Variants in KCNIP4 observed in about 807,000 individuals in gnomAD.
The protein encoded by KCNIP4 is potassium voltage-gated channel interacting protein 4, also known as Kv channel-interacting protein 4.
In KCNIP4, 12 loss-of-function variants were observed where a neutral mutation model predicts 34.0. The observed-to-expected ratio is 0.35, with a 90% confidence interval of 0.23 to 0.57. KCNIP4 has a LOEUF of 0.57. KCNIP4 is among the 20% of genes least tolerant of loss of function. The probability of loss-of-function intolerance (pLI) is 0.83; values close to 1 mark genes in which losing one functional copy is unlikely to be tolerated. For synonymous variants in KCNIP4, 124 were observed against 102.2 expected, an observed-to-expected ratio of 1.21 and a Z score of -1.29; for missense variants, 238 against 311.7, an observed-to-expected ratio of 0.76 and a Z score of 1.78.
intron 1 of KCNIP4, among the ~76,000 whole-genome samples, chr4:21,198,747 T>G (rs1473410517): frequency 1.3e-5 from 2 of 152,156 alleles, no homozygotes; most frequent in African/African-American, 4.8e-5. Flanking sequence ...AACCCCACTG[T>G]TATATCTATC....
intron 1 of KCNIP4, among the ~76,000 whole-genome samples, chr4:21,449,534 A>G (rs1341944875): frequency 2.0e-5 from 3 of 152,078 alleles, no homozygotes; most frequent in African/African-American, 4.8e-5. Context: ...AAAAATTGCA[A>G]CACTCAGTCA....
At chr4:21,635,199 TA>T (rs1374598015) in intron 1 of KCNIP4, among the ~76,000 whole-genome samples, 1 of 152,168 alleles carries the variant, frequency 6.6e-6, no homozygotes, top group Non-Finnish European at 1.5e-5. Flanking sequence ...TTACTCAAAT[TA>T]CTGCAGTAGA....
chr4:21,817,805 C>A lies in KCNIP4; in HGVS notation c.61+130766G>T, dbSNP rs1578027637. 2.6e-5 allele frequency among the ~76,000 whole-genome samples: 4 copies of A among 152,196 alleles called. 1 individual carries two copies. Among genetic ancestry groups the A allele is most frequent in the Admixed American group, 2.6e-4 (4 of 15,288 alleles). On this transcript the variant is annotated intron_variant, in intron 1 of 8. Coordinates refer to ENST00000382152, the MANE Select transcript of KCNIP4 (RefSeq NM_025221.6). Reference sequence around the variant, plus strand: ...ATCAGACTGGTTCTCTGCTCTCGAACCCTGTTTTCTGTTGTTTAAGATGTT... The same window carrying A: ...ATCAGACTGGTTCTCTGCTCTCGAAACCTGTTTTCTGTTGTTTAAGATGTT...
intron 1 of KCNIP4, among the ~76,000 whole-genome samples, chr4:21,445,113 T>G (rs1414254858): frequency 2.6e-5 from 4 of 151,924 alleles, no homozygotes; most frequent in Non-Finnish European, 2.9e-5. Context: ...CACTGCTCAG[T>G]GAAATAAAAG....
chr4:21,017,583 G>A (rs1044932005), intron 1 of KCNIP4, among the ~76,000 whole-genome samples: 1 of 152,074 alleles, frequency 6.6e-6, no homozygotes, highest in Admixed American at 6.5e-5. Flanking sequence ...TCTTTATCCA[G>A]TCTATCATCG....
chr4:21,728,238 C>A (rs1468930804), intron 1 of KCNIP4, among the ~76,000 whole-genome samples: 2 of 152,164 alleles, frequency 1.3e-5, no homozygotes, highest in African/African-American at 4.8e-5. Flanking sequence ...AACTCCAAAT[C>A]TCCTTTCCTC....
intron 1 of KCNIP4, among the ~76,000 whole-genome samples, chr4:21,098,721 A>G (rs1329615538): frequency 6.6e-6 from 1 of 152,182 alleles, no homozygotes; most frequent in Non-Finnish European, 1.5e-5. Context: ...AAGGAGATTA[A>G]TGTTGTTTTC....
chr4:20,927,366 T>C (rs1730007951), intron 1 of KCNIP4, among the ~76,000 whole-genome samples: 2 of 152,268 alleles, frequency 1.3e-5, no homozygotes, highest in South Asian at 4.1e-4. Flanking sequence ...GTTATTATTT[T>C]AGGGAGTGGC....
intron 1 of KCNIP4, among the ~76,000 whole-genome samples, chr4:21,637,664 T>A (rs1332037294): frequency 6.6e-6 from 1 of 150,984 alleles, no homozygotes; most frequent in Non-Finnish European, 1.5e-5. Context: ...ACACCTGTAA[T>A]CCCAGCTACT....
chr4:21,241,314 AT>A (rs201958359), intron 1 of KCNIP4, among the ~76,000 whole-genome samples: 3,482 of 152,202 alleles, frequency 0.023, 137 homozygotes, highest in African/African-American at 0.079. Context: ...AGACTTAAAA[AT>A]TTTTTTTCTA....
intron 1 of KCNIP4, among the ~76,000 whole-genome samples, chr4:21,382,256 T>A (rs1267003703): frequency 6.6e-6 from 1 of 152,098 alleles, no homozygotes; most frequent in Non-Finnish European, 1.5e-5. Flanking sequence ...AACAGGAACA[T>A]TCAGGACATC....
chr4:20,783,141 T>A (rs1442472479), intron 3 of KCNIP4, among the ~76,000 whole-genome samples: 3 of 152,208 alleles, frequency 2.0e-5, no homozygotes, highest in Non-Finnish European at 4.4e-5. Context: ...AGACTGGACC[T>A]TATTGTCCAT....
intron 5 of KCNIP4, among the ~76,000 whole-genome samples, chr4:20,738,481 C>A (rs968824878): frequency 6.6e-6 from 1 of 152,152 alleles, no homozygotes; most frequent in Non-Finnish European, 1.5e-5. Flanking sequence ...CTGACACATT[C>A]CAAGGGGAAG....
chr4:21,327,299 T>C (rs1033683903), intron 1 of KCNIP4, among the ~76,000 whole-genome samples: 1 of 152,176 alleles, frequency 6.6e-6, no homozygotes, highest in East Asian at 1.9e-4. Context: ...TCCTTCATGA[T>C]TGAAATGTAT....
intron 1 of KCNIP4, among the ~76,000 whole-genome samples, chr4:21,467,073 A>ACAC (rs1730022810): frequency 2.3e-4 from 32 of 139,846 alleles, no homozygotes; most frequent in Admixed American, 2.9e-4. Flanking sequence ...AACCAAAACA[A>ACAC]ACACACACAC....
At chr4:21,662,351 T>G (rs1443634038) in intron 1 of KCNIP4, among the ~76,000 whole-genome samples, 1 of 152,236 alleles carries the variant, frequency 6.6e-6, no homozygotes, top group African/African-American at 2.4e-5. Context: ...TCACACAGTT[T>G]ACAATCTGAA....
chr4:21,466,680 A>C (rs978170811), intron 1 of KCNIP4, among the ~76,000 whole-genome samples: 10 of 152,172 alleles, frequency 6.6e-5, no homozygotes, highest in African/African-American at 1.4e-4. Flanking sequence ...TTGCTTCTGC[A>C]GTGTCCTGGA....
chr4:21,280,612 C>T (rs1463573093), intron 1 of KCNIP4, among the ~76,000 whole-genome samples: 3 of 152,084 alleles, frequency 2.0e-5, no homozygotes, highest in African/African-American at 7.2e-5. Context: ...ATTATTTTCC[C>T]CAAAAGTCCA....
intron 1 of KCNIP4, among the ~76,000 whole-genome samples, chr4:21,798,995 G>A (rs1246850576): frequency 6.6e-6 from 1 of 150,736 alleles, no homozygotes; most frequent in African/African-American, 2.4e-5. Flanking sequence ...CATTTTCCTA[G>A]AAGAAATATC....
Sources: gnomAD v4.1 joint callset for allele counts (sites outside exome capture counted in the v4.1 genomes callset) on GRCh38, gnomAD v4.1.1 for gene constraint, MANE v1.5 for transcripts, NCBI Gene and HGNC (gene_info 2026-07-23, HGNC 2026-07-21) for gene names.